Variants in ARHGAP32 observed in about 807,000 individuals in gnomAD.
ARHGAP32 encodes the protein rho GTPase-activating protein 32.
ARHGAP32 carries 51 observed loss-of-function variants against 186.5 expected under a neutral mutation model. The ratio of observed to expected loss-of-function variants is 0.27; its 90% CI spans 0.22 to 0.35. The LOEUF (loss-of-function observed/expected upper bound fraction) is 0.35, where lower values mean the gene tolerates loss of function less well. Ranked by LOEUF, ARHGAP32 falls within the 10% of genes least tolerant of loss-of-function variation. The probability of loss-of-function intolerance (pLI) is 1.00; values close to 1 mark genes in which losing one functional copy is unlikely to be tolerated. For missense variants in ARHGAP32, 2,186 were observed against 2,623.5 expected, an observed-to-expected ratio of 0.83 and a Z score of 3.64; for synonymous variants, 950 against 964.3, an observed-to-expected ratio of 0.99 and a Z score of 0.27.
At chr11:129,240,323 A>G (rs1429703333) in intron 1 of ARHGAP32, among the ~76,000 whole-genome samples, 10 of 147,438 alleles carry the variant, frequency 6.8e-5, no homozygotes, top group East Asian at 2.0e-4. Context: ...GACCTTGGGG[A>G]AAAAAAAAAA....
At chr11:129,024,537 C>T (rs1938747171) in intron 11 of ARHGAP32, among the ~76,000 whole-genome samples, 2 of 152,142 alleles carry the variant, frequency 1.3e-5, no homozygotes, top group Non-Finnish European at 2.9e-5. Context: ...TTTGCTGATA[C>T]TGAGCTAAGA....
chr11:129,205,419 GA>G (rs966110714), intron 1 of ARHGAP32, among the ~76,000 whole-genome samples: 4 of 152,154 alleles, frequency 2.6e-5, no homozygotes, highest in African/African-American at 9.6e-5. Flanking sequence ...ACAGCAATTG[GA>G]AACAACAGTA....
Position 129,125,401 on chromosome 11 carries a change from T to C in ARHGAP32, c.226-507A>G, listed in dbSNP as rs564443105. Among the ~76,000 whole-genome samples the C allele has an allele frequency of 3.3e-5, 5 of 152,220 alleles. No individual in the cohort carries two copies. In the South Asian group the frequency reaches 1.0e-3, roughly 32 times the overall value. On this transcript the variant is annotated intron_variant, in intron 2 of 22. Transcript: ENST00000682385. ...AACTTCAGTGATACAATCAAGTATA[T>C]CATTTTTTAAAAAACAAAATGAAAA...
At chr11:129,108,645 T>C (rs556628308) in intron 5 of ARHGAP32, among the ~76,000 whole-genome samples, 4 of 152,296 alleles carry the variant, frequency 2.6e-5, no homozygotes, top group African/African-American at 9.6e-5. Flanking sequence ...CCTTTGCTGA[T>C]TTGTGAAGTG....
At chr11:129,151,129 CAA>C (rs1943278205) in intron 2 of ARHGAP32, among the ~76,000 whole-genome samples, 2 of 151,804 alleles carry the variant, frequency 1.3e-5, no homozygotes, top group African/African-American at 4.8e-5. Context: ...AGAAAAAAGA[CAA>C]AGAGGGACAT....
intron 10 of ARHGAP32, among the ~76,000 whole-genome samples, chr11:129,055,286 A>C (rs1940206045): frequency 6.6e-6 from 1 of 152,228 alleles, no homozygotes; most frequent in South Asian, 2.1e-4. Context: ...CAATTATCAA[A>C]TGTTGGTGAG....
Position 128,988,141 on chromosome 11 carries a change from A to G in ARHGAP32, c.1196-16T>C, listed in dbSNP as rs763809121. The G allele has an allele frequency of 8.6e-5, 136 of 1,590,108 alleles. No individual in the cohort carries two copies. The highest frequency in any genetic ancestry group is 1.2e-4 in the Non-Finnish European group (135 of 1,160,402). On this transcript the variant is annotated splice_polypyrimidine_tract_variant and intron_variant, in intron 12 of 22. Transcript: ENST00000682385. The stretch of plus-strand genomic sequence containing the variant: ...ACCTGCGGCACTAAAGAGAATTTGT[A>G]AAGAAACAGATGAAATTGTAGTATT...
chr11:128,986,172 C>T (rs1945867454), intron 14 of ARHGAP32, 87 bp from the exon 15 acceptor site: 1 of 1,026,674 alleles, frequency 9.7e-7, no homozygotes, highest in Non-Finnish European at 1.4e-6. Context: ...ACTCTGAGAT[C>T]AACTTGCTTT....
intron 1 of ARHGAP32, among the ~76,000 whole-genome samples, chr11:129,164,850 C>T (rs1943600752): frequency 1.3e-5 from 2 of 152,050 alleles, no homozygotes; most frequent in South Asian, 4.1e-4. Context: ...GAGCAGAGTG[C>T]AGCAAATAAG....
At chr11:128,975,026 C>A in intron 20 of ARHGAP32, 24 bp from the exon 21 acceptor site, 1 of 1,577,380 alleles carries the variant, frequency 6.3e-7, no homozygotes, top group South Asian at 1.2e-5. Flanking sequence ...ATAACAGTGT[C>A]AAAGTAAGAA....
At position 128,986,209 on chromosome 11, in the gene ARHGAP32, ACACAACAT is replaced by A. The variant is rs1302929522; in HGVS notation, c.1444-132_1444-125del. 117 of 761,788 alleles carry A rather than the reference ACACAACAT, an allele frequency of 1.5e-4. 1 individual carries two copies. The African/African-American group carries it at 1.8e-3, about 11-fold the overall frequency. The allele number at this position is 761,788 out of a possible 1,614,324, so 47.2% of individuals were successfully genotyped here. ...CTCTTGGATGTGAAATGGCGAGGAA[ACACAACAT>A]TGTATTCAGGAAGTAAACTGTTTCC... On this transcript the variant is annotated intron_variant, in intron 14 of 22. Coordinates refer to ENST00000682385, the MANE Select transcript of ARHGAP32 (RefSeq NM_001378024.1).
rs550032425 is a variant in ARHGAP32 at position 129,014,659 on chromosome 11, T to C, written c.1046-16191A>G. On this transcript the variant is annotated intron_variant, in intron 11 of 22. Transcript: ENST00000682385. ...AGTAGTGGGAATATATTAATACCTGTGCAGATTGTTCTGATTAAACCAAAG... is the reference window on the plus strand; with the variant it reads ...AGTAGTGGGAATATATTAATACCTGCGCAGATTGTTCTGATTAAACCAAAG... Among the ~76,000 whole-genome samples, 15 of 152,360 alleles carry C rather than the reference T, an allele frequency of 9.8e-5. No homozygotes were observed. The South Asian group carries it at 2.9e-3, about 29-fold the overall frequency.
chr11:129,090,013 T>C (rs1941528307), intron 6 of ARHGAP32, among the ~76,000 whole-genome samples: 2 of 152,314 alleles, frequency 1.3e-5, no homozygotes, highest in African/African-American at 4.8e-5. Flanking sequence ...GGCCCTATCC[T>C]AAATACAGAA....
At chr11:129,247,305 T>C (rs753176996) in intron 1 of ARHGAP32, among the ~76,000 whole-genome samples, 1 of 152,226 alleles carries the variant, frequency 6.6e-6, no homozygotes, top group African/African-American at 2.4e-5. Context: ...ATGAGGCAAG[T>C]TGCCAGCAGT....
At chr11:129,085,686 C>T (rs1384899171) in intron 6 of ARHGAP32, among the ~76,000 whole-genome samples, 1 of 152,090 alleles carries the variant, frequency 6.6e-6, no homozygotes, top group Admixed American at 6.6e-5. Flanking sequence ...AAGGCTGACA[C>T]TACCAGACCT....
intron 9 of ARHGAP32, 21 bp from the exon 10 acceptor site, chr11:129,062,378 A>G: frequency 6.2e-7 from 1 of 1,600,960 alleles, no homozygotes; most frequent in Non-Finnish European, 8.6e-7. Context: ...CAAAATTTTA[A>G]GCAAAATGGT....
rs962703102 is a variant in ARHGAP32, at chr11:129,173,057, C to CA, written c.117-8631dup. Among the ~76,000 whole-genome samples the CA allele has an allele frequency of 1.1e-4, 16 of 142,588 alleles. No homozygotes were observed. In the East Asian group the frequency reaches 1.6e-3, roughly 15 times the overall value. 93.5% of individuals were successfully genotyped at this position (142,588 alleles called of 152,430 possible). A position where few individuals can be genotyped will look rare whatever the true frequency, so the allele number is the denominator to read the frequency against. On this transcript the variant is annotated intron_variant, in intron 1 of 22. Transcript: ENST00000682385. ...AAAAACAAACAAACAAACAAACAAACAAAAAACCACTAGCTAGACTAACAA... is the reference window on the plus strand; with the variant it reads ...AAAAACAAACAAACAAACAAACAAACAAAAAAACCACTAGCTAGACTAACAA...
At chr11:128,999,810 T>C (rs1946305861) in intron 11 of ARHGAP32, among the ~76,000 whole-genome samples, 1 of 152,236 alleles carries the variant, frequency 6.6e-6, no homozygotes, top group African/African-American at 2.4e-5. Flanking sequence ...CCATGACGTT[T>C]GAATCAAGCT....
intron 1 of ARHGAP32, among the ~76,000 whole-genome samples, chr11:129,241,253 C>T (rs1160476672): frequency 6.6e-6 from 1 of 152,132 alleles, no homozygotes; most frequent in Non-Finnish European, 1.5e-5. Flanking sequence ...GTAACTTACA[C>T]TTCATTAAAA....
Sources: allele counts gnomAD v4.1 joint callset (sites outside exome capture counted in the v4.1 genomes callset), GRCh38; gene constraint gnomAD v4.1.1; transcripts MANE v1.5; gene names NCBI Gene and HGNC (gene_info 2026-07-23, HGNC 2026-07-21).